LIPA: variants seen among roughly 807,000 people sequenced by gnomAD.
LIPA encodes the protein lipase A, lysosomal acid type.
Under a neutral mutation model 40.6 loss-of-function variants are expected in LIPA, and 26 were observed. The ratio of observed to expected loss-of-function variants is 0.64; its 90% CI spans 0.47 to 0.89. LIPA has a LOEUF of 0.89. Among genes scored for constraint, LIPA ranks in the 40% least tolerant of loss-of-function variants. LIPA has a pLI of 0.00. For missense variants in LIPA, 455 were observed against 479.6 expected (o/e 0.95, Z 0.48); for synonymous variants, 188 against 168.4 (o/e 1.12, Z -0.90).
At chr10:89,404,503 C>T (rs532126294) in intron 2 of LIPA, 1 of 152,396 alleles carries the variant, frequency 6.6e-6, no homozygotes, top group African/African-American at 2.4e-5. Context: ...TTACATACCA[C>T]TATTGTGTGA....
intron 2 of LIPA, among the ~76,000 whole-genome samples, chr10:89,410,156 G>A (rs1841457769): frequency 6.6e-6 from 1 of 152,170 alleles, no homozygotes; most frequent in South Asian, 2.1e-4. Context: ...TTGTGGCAGT[G>A]GCCATCTTAG....
chr10:89,360,794 T>C (rs1197052824), intron 2 of LIPA, among the ~76,000 whole-genome samples: 1 of 152,216 alleles, frequency 6.6e-6, no homozygotes, highest in Non-Finnish European at 1.5e-5. Flanking sequence ...AGGGCTGCCA[T>C]AACATAGTAC....
At chr10:89,248,599 C>T (rs1029158546) in intron 1 of LIPA, among the ~76,000 whole-genome samples, 8 of 150,356 alleles carry the variant, frequency 5.3e-5, no homozygotes, top group African/African-American at 2.0e-4. Flanking sequence ...CTCAGACTCC[C>T]AGGTAGCTGG....
At position 89,396,361 on chromosome 10, in the gene LIPA, A is replaced by T. The variant is rs527507504; in HGVS notation, c.61+16430T>A. Among the ~76,000 whole-genome samples, 36 of 152,326 alleles carry T rather than the reference A, an allele frequency of 2.4e-4. 2 individuals carry two copies. The South Asian group carries it at 5.4e-3, about 23-fold the overall frequency. ...TTTAGCTCACAGTTCCGCAGCCCAT[A>T]CAAGAAGTATGGTGCTGGCATCTTC... On this transcript the variant is annotated intron_variant, in intron 2 of 8. Coordinates refer to the LIPA transcript ENST00000371837.
intron 2 of LIPA, among the ~76,000 whole-genome samples, chr10:89,394,784 C>G (rs977912530): frequency 6.6e-6 from 1 of 151,574 alleles, no homozygotes; most frequent in Admixed American, 6.6e-5. Context: ...CTATCTAGTT[C>G]AAGAACATTT....
At chr10:89,249,353 G>A (rs148718389) in intron 1 of LIPA, among the ~76,000 whole-genome samples, 1 of 152,228 alleles carries the variant, frequency 6.6e-6, no homozygotes, top group South Asian at 2.1e-4. Context: ...AGTGGTCAGA[G>A]AAAAACCTAG....
chr10:89,376,187 TAAAA>T (rs66954730), intron 2 of LIPA, among the ~76,000 whole-genome samples: 1 of 102,548 alleles, frequency 9.8e-6, no homozygotes, highest in Non-Finnish European at 1.8e-5. Flanking sequence ...GACTCTATCT[TAAAA>T]AAAAAAAAAA....
At chr10:89,413,492 C>T (rs568746569) in intron 1 of LIPA, among the ~76,000 whole-genome samples, 1 of 152,220 alleles carries the variant, frequency 6.6e-6, no homozygotes, top group East Asian at 1.9e-4. Context: ...TGCCTGTAAT[C>T]CCAGCATTTT....
chr10:89,402,973 A>T, intron 2 of LIPA: 1 of 1,614,126 alleles, frequency 6.2e-7, no homozygotes, highest in Non-Finnish European at 8.5e-7. Context: ...GAAGGACAGG[A>T]AGCTGAAGGA....
intron 1 of LIPA, among the ~76,000 whole-genome samples, chr10:89,296,438 G>T (rs1589592318): frequency 7.0e-6 from 1 of 142,844 alleles, no homozygotes; most frequent in African/African-American, 2.7e-5. Flanking sequence ...GTTGCAGAGA[G>T]CCAAGATCTC....
intron 2 of LIPA, among the ~76,000 whole-genome samples, chr10:89,357,681 A>G (rs139888717): frequency 8.5e-5 from 13 of 152,354 alleles, no homozygotes; most frequent in African/African-American, 3.1e-4. Context: ...TGAATGAGAC[A>G]GGATGATGGG....
intron 3 of LIPA, among the ~76,000 whole-genome samples, chr10:89,232,531 T>C (rs1842854888): frequency 6.6e-6 from 1 of 152,102 alleles, no homozygotes; most frequent in African/African-American, 2.4e-5. Context: ...ACGGAAAACA[T>C]GGGACTGCCT....
At chr10:89,237,335 T>C (rs1315185158) in intron 3 of LIPA, among the ~76,000 whole-genome samples, 1 of 152,106 alleles carries the variant, frequency 6.6e-6, no homozygotes, top group African/African-American at 2.4e-5. Context: ...ACTTTAAAAA[T>C]ATGTCAAGAT....
intron 1 of LIPA, among the ~76,000 whole-genome samples, chr10:89,249,003 T>A (rs932726396): frequency 2.0e-5 from 3 of 152,224 alleles, no homozygotes; most frequent in Non-Finnish European, 2.9e-5. Flanking sequence ...CTTCCACCTA[T>A]GATTTAGACA....
chr10:89,226,198 A>G (rs1288774777), intron 5 of LIPA, among the ~76,000 whole-genome samples: 4 of 152,138 alleles, frequency 2.6e-5, no homozygotes, highest in African/African-American at 9.7e-5. Context: ...TTTCCTGGCA[A>G]TATAACCACA....
At chr10:89,282,355 T>C (rs946662558) in intron 1 of LIPA, among the ~76,000 whole-genome samples, 1 of 152,172 alleles carries the variant, frequency 6.6e-6, no homozygotes, top group Admixed American at 6.5e-5. Flanking sequence ...CAGATACTTT[T>C]GGCCGGGCAT....
chr10:89,390,743 C>T (rs997518608), intron 2 of LIPA, among the ~76,000 whole-genome samples: 4 of 152,154 alleles, frequency 2.6e-5, no homozygotes, highest in African/African-American at 4.8e-5. Context: ...GCCATAGCCC[C>T]GTAGAACCAA....
At chr10:89,307,277 G>A (rs1451221876) in intron 1 of LIPA, 1 of 1,613,816 alleles carries the variant, frequency 6.2e-7, no homozygotes, top group African/African-American at 1.3e-5. Context: ...ATTCCTTCAG[G>A]AGCTGAATGA....
At chr10:89,246,620 C>G (rs185933984) in intron 2 of LIPA, among the ~76,000 whole-genome samples, 1 of 152,308 alleles carries the variant, frequency 6.6e-6, no homozygotes, top group Non-Finnish European at 1.5e-5. Flanking sequence ...GATTCTTCAG[C>G]TGGGTCACTG....
Sources: gnomAD v4.1 joint callset for allele counts (sites outside exome capture counted in the v4.1 genomes callset) on GRCh38, gnomAD v4.1.1 for gene constraint, MANE v1.5 for transcripts, NCBI Gene and HGNC (gene_info 2026-07-23, HGNC 2026-07-21) for gene names.